The following SMAP2 variants were observed in gnomAD, a reference collection of about 807,000 sequenced individuals.
SMAP2 encodes small ArfGAP2, also known as stromal membrane-associated protein 2.
A neutral mutation model predicts 56.4 loss-of-function variants in SMAP2; 25 were observed. The ratio of observed to expected loss-of-function variants is 0.44; its 90% CI spans 0.32 to 0.62. The LOEUF (loss-of-function observed/expected upper bound fraction) is 0.62, where lower values mean the gene tolerates loss of function less well. Among genes scored for constraint, SMAP2 ranks in the 20% least tolerant of loss-of-function variants. SMAP2 has a pLI of 0.04. For synonymous variants in SMAP2, 157 were observed against 181.7 expected, an observed-to-expected ratio of 0.86 and a Z score of 1.09; for missense variants, 388 against 545.6, an observed-to-expected ratio of 0.71 and a Z score of 2.88.
At chr1:40,352,662 G>GTGGCTT (rs144326564) in intron 1 of SMAP2, among the ~76,000 whole-genome samples, 61,746 of 151,310 alleles carry the variant, frequency 0.41, 13,036 homozygotes, top group East Asian at 0.56. Context: ...CCTTAGCTAG[G>GTGGCTT]ACTACAGCAG....
At chr1:40,389,971 TG>T (rs1644701001) in intron 1 of SMAP2, among the ~76,000 whole-genome samples, 1 of 149,092 alleles carries the variant, frequency 6.7e-6, no homozygotes, top group Non-Finnish European at 1.5e-5. Context: ...ATGTTCCCTT[TG>T]CAGGATCTTT....
rs747889961 is a variant in SMAP2 at position 40,374,187 on chromosome 1, G to A, written c.67G>A (p.Glu23Lys). The A allele has an allele frequency of 1.9e-6, 3 of 1,613,722 alleles. No individual in the cohort carries two copies. Among genetic ancestry groups the A allele is most frequent in the Non-Finnish European group, 2.5e-6 (3 of 1,179,856 alleles). ...TGTCCTGGCCAACCTGCTGCTGGAG[G>A]AGGATAACAAGTTTTGTGCAGATTG... is the stretch of plus-strand genomic sequence containing the variant. ...QAVLANLLLEEDNKFCADCQS... is the reference protein window; with the variant it reads ...QAVLANLLLEKDNKFCADCQS... The change falls in exon 1 of 10, where the codon GAG (glutamate) becomes AAG (lysine). Residue 23 changes from glutamate (E) to lysine (K), a missense_variant. Coordinates refer to ENST00000372718, the MANE Select transcript of SMAP2 (RefSeq NM_022733.3). This position sits in a 1 kb window ranked among gnomAD's most constrained non-coding sequence, Gnocchi z 5.9.
Position 40,402,301 on chromosome 1 carries a change from G to A in SMAP2, c.104-4435G>A, listed in dbSNP as rs918214671. On this transcript the variant is annotated intron_variant, in intron 1 of 9. Coordinates refer to ENST00000372718, the MANE Select transcript of SMAP2 (RefSeq NM_022733.3). Reference sequence around the variant, plus strand: ...ACCAAATCATGATAATGCTATATCCGTCACCTTAGACATTTATCTTTTCTT... The same window carrying A: ...ACCAAATCATGATAATGCTATATCCATCACCTTAGACATTTATCTTTTCTT... Among the ~76,000 whole-genome samples, 23 of 152,042 alleles carry A rather than the reference G, an allele frequency of 1.5e-4. 1 individual carries two copies. The highest frequency in any genetic ancestry group is 1.3e-3 in the East Asian group (7 of 5,188).
At chr1:40,400,480 A>G (rs1167332632) in intron 1 of SMAP2, among the ~76,000 whole-genome samples, 1 of 152,206 alleles carries the variant, frequency 6.6e-6, no homozygotes, top group Non-Finnish European at 1.5e-5. Flanking sequence ...GTGGTCCGAA[A>G]GAGTCTGGTG....
chr1:40,378,147 C>T (rs11207973), intron 1 of SMAP2, among the ~76,000 whole-genome samples: 28,775 of 151,956 alleles, frequency 0.19, 3,318 homozygotes, highest in Admixed American at 0.31. Flanking sequence ...TTTTTAGAGA[C>T]GGGGTCTTGC....
Position 40,417,002 on chromosome 1 carries a change from C to T in SMAP2, c.1070C>T (p.Thr357Ile). ...GGTGTGCCGAATGGAATGATGACCA[C>T]CCAGCAGGCTGGCTACATGGCAGGC... is the stretch of plus-strand genomic sequence containing the variant. ...MMGVPNGMMT[T>I]QQAGYMAGMA... is the part of the protein sequence containing the mutation. The change falls in exon 9 of 10, where the codon ACC (threonine) becomes ATC (isoleucine). Residue 357 changes from threonine to isoleucine, a missense_variant. Thr to Ile is a moderately conservative substitution (Grantham distance 89). Transcript: ENST00000372718. The T allele has an allele frequency of 6.2e-7, 1 of 1,614,186 alleles. No homozygotes were observed. Among genetic ancestry groups the T allele is most frequent in the Non-Finnish European group, 8.5e-7 (1 of 1,180,018 alleles).
intron 1 of SMAP2, among the ~76,000 whole-genome samples, chr1:40,346,596 C>T (rs12563391): frequency 0.16 from 23,978 of 151,888 alleles, 2,048 homozygotes; most frequent in East Asian, 0.24. Flanking sequence ...TCTCAAACTC[C>T]TGGCCTCAAG....
intron 1 of SMAP2, chr1:40,393,366 G>A: frequency 6.5e-7 from 1 of 1,535,240 alleles, no homozygotes. Flanking sequence ...AGTGCAGCAG[G>A]AGAGGCAGCA....
intron 1 of SMAP2, among the ~76,000 whole-genome samples, chr1:40,378,278 G>A (rs898449794): frequency 2.0e-5 from 3 of 151,644 alleles, no homozygotes; most frequent in African/African-American, 4.8e-5. Flanking sequence ...CGTGTGCCAC[G>A]GGGCCCAGCC....
rs370467759 is a variant in SMAP2 at position 40,409,390 on chromosome 1, A to G, written c.324-367A>G. Among the ~76,000 whole-genome samples the G allele has an allele frequency of 2.4e-4, 36 of 152,280 alleles. 1 individual carries two copies. The South Asian group carries it at 5.8e-3, about 25-fold the overall frequency. On this transcript the variant is annotated intron_variant, in intron 3 of 9. Transcript: ENST00000372718. ...GTGGGGCACAAGAGTTTATGTTTTTAAGGGGCACTTACGTGCCTTTGTTTG... is the reference window on the plus strand; with the variant it reads ...GTGGGGCACAAGAGTTTATGTTTTTGAGGGGCACTTACGTGCCTTTGTTTG...
At chr1:40,376,366 G>A (rs1215115141) in intron 1 of SMAP2, among the ~76,000 whole-genome samples, 1 of 152,190 alleles carries the variant, frequency 6.6e-6, no homozygotes, top group African/African-American at 2.4e-5. Flanking sequence ...AACTACTGTT[G>A]ATGGTAGAAT....
rs1644520183 is a variant in SMAP2, at chr1:40,374,314, C to T, written c.103+91C>T. ...AAGAGGCGGTTTCTGAAGCTTAGGC[C>T]GCCCAACTCGGCTTATAAGTGGTAA... On this transcript the variant is annotated intron_variant, in intron 1 of 9. Coordinates refer to ENST00000372718, the MANE Select transcript of SMAP2 (RefSeq NM_022733.3). This position sits in a 1 kb window ranked among gnomAD's most constrained non-coding sequence, Gnocchi z 5.9. The T allele has an allele frequency of 3.7e-6, 4 of 1,084,676 alleles. No homozygotes were observed. Among genetic ancestry groups the T allele is most frequent in the Non-Finnish European group, 5.5e-6 (4 of 722,648 alleles). 67.2% of individuals were successfully genotyped at this position (1,084,676 alleles called of 1,614,324 possible).
At chr1:40,353,592 G>C (rs975740960) in intron 1 of SMAP2, among the ~76,000 whole-genome samples, 5 of 151,880 alleles carry the variant, frequency 3.3e-5, no homozygotes, top group African/African-American at 9.7e-5. Flanking sequence ...CTGGTCTCGA[G>C]TCCCTAATCT....
rs2124344986 is a variant in SMAP2, at chr1:40,408,364, T to C, written c.238-289T>C. ...TAATTGGTAGCTGTGTATCTAAGAG[T>C]TTCAAATGAGATCTTGATTTATTAC... is the stretch of plus-strand genomic sequence containing the variant. On this transcript the variant is annotated intron_variant, in intron 2 of 9. Coordinates refer to ENST00000372718, the MANE Select transcript of SMAP2 (RefSeq NM_022733.3). The surrounding 1 kb of genome is among the most constrained non-coding windows in gnomAD (Gnocchi z 4.3). 6.6e-6 allele frequency among the ~76,000 whole-genome samples: 1 copy of C among 152,256 alleles called. No individual in the cohort carries two copies. Among genetic ancestry groups the C allele is most frequent in the Non-Finnish European group, 1.5e-5 (1 of 68,020 alleles).
Position 40,412,996 on chromosome 1 carries a change from G to A in SMAP2, c.403-20G>A. 6.3e-7 allele frequency: 1 copy of A among 1,581,336 alleles called. No individual in the cohort carries two copies. The highest frequency in any genetic ancestry group is 1.1e-5 in the South Asian group (1 of 88,402). ...AGTCACCTTGGGCCCTGTGTTCTTT[G>A]TCTTGTTAAATCATTATAGAAAGAA... On this transcript the variant is annotated intron_variant, in intron 4 of 9. Transcript: ENST00000372718.
chr1:40,367,807 G>A (rs1315506075), intron 2 of SMAP2, among the ~76,000 whole-genome samples: 1 of 147,938 alleles, frequency 6.8e-6, no homozygotes, highest in Non-Finnish European at 1.5e-5. Context: ...GAAAGCAAGA[G>A]CAAACACATT....
At chr1:40,377,607 AACT>A (rs1224017457) in intron 1 of SMAP2, among the ~76,000 whole-genome samples, 1 of 152,170 alleles carries the variant, frequency 6.6e-6, no homozygotes, top group African/African-American at 2.4e-5. Context: ...CAGAGGACAA[AACT>A]ACTGAAAATT....
chr1:40,390,361 G>A (rs957656142), intron 1 of SMAP2, among the ~76,000 whole-genome samples: 5 of 152,214 alleles, frequency 3.3e-5, no homozygotes, highest in South Asian at 2.1e-4. Flanking sequence ...GCTGAGTTGC[G>A]AAGAGAAATT....
intron 1 of SMAP2, among the ~76,000 whole-genome samples, chr1:40,384,129 C>T (rs746406394): frequency 2.6e-5 from 4 of 152,174 alleles, no homozygotes; most frequent in Admixed American, 2.0e-4. Flanking sequence ...AACTCCTGGC[C>T]TCAAGTGAGC....
Sources: allele counts gnomAD v4.1 joint callset (sites outside exome capture counted in the v4.1 genomes callset), GRCh38; gene constraint gnomAD v4.1.1; non-coding constraint Gnocchi (gnomAD v3.1); transcripts MANE v1.5; gene names NCBI Gene and HGNC (gene_info 2026-07-23, HGNC 2026-07-21).